The following AMPD3 variants were observed in gnomAD, a reference collection of about 807,000 sequenced individuals.
The protein encoded by AMPD3 is adenosine monophosphate deaminase 3, also known as AMP deaminase 3.
A neutral mutation model predicts 82.3 loss-of-function variants in AMPD3; 57 were observed. That is an observed-to-expected ratio of 0.69 (90% CI 0.56 to 0.86). AMPD3 has a LOEUF of 0.86. Ranked by LOEUF, AMPD3 falls within the 40% of genes least tolerant of loss-of-function variation. AMPD3 has a pLI of 0.00. For missense variants in AMPD3, 870 were observed against 1,003.8 expected, an observed-to-expected ratio of 0.87 and a Z score of 1.80; for synonymous variants, 381 against 394.7, an observed-to-expected ratio of 0.97 and a Z score of 0.41.
At chr11:10,502,566 T>C (rs1849608643) in intron 12 of AMPD3, 155 bp from the exon 13 acceptor site, 1 of 984,858 alleles carries the variant, frequency 1.0e-6, no homozygotes, top group Non-Finnish European at 1.2e-6. Flanking sequence ...GGTCTGAGTG[T>C]CCTGGCTTCG....
chr11:10,482,394 A>G (rs1161728246), intron 4 of AMPD3, among the ~76,000 whole-genome samples, 169 bp downstream of exon 4: 2 of 152,190 alleles, frequency 1.3e-5, no homozygotes, highest in Admixed American at 6.5e-5. Context: ...GATTGATTCT[A>G]TGTGTACTGT....
intron 12 of AMPD3, chr11:10,502,187 CGGTGA>C: frequency 1.0e-6 from 1 of 985,436 alleles, no homozygotes; most frequent in Non-Finnish European, 1.2e-6. Context: ...TCCCTGATCC[CGGTGA>C]GGTGTAACCA....
chr11:10,491,381 G>C (rs1173702061), intron 6 of AMPD3, among the ~76,000 whole-genome samples: 2 of 152,200 alleles, frequency 1.3e-5, no homozygotes, highest in Admixed American at 6.5e-5. Context: ...ATGAGGGGTT[G>C]GGGAGATGGG....
intron 2 of AMPD3, chr11:10,473,699 C>G (rs1018096390): frequency 1.4e-6 from 1 of 740,108 alleles, no homozygotes; most frequent in Non-Finnish European, 1.7e-6. Flanking sequence ...GCATATTTCT[C>G]CAGATAGGCT....
chr11:10,450,523 C>A (rs1360033606), upstream of AMPD3: 1 of 986,072 alleles, frequency 1.0e-6, no homozygotes, highest in South Asian at 4.7e-5. Flanking sequence ...CGGGCAAGCC[C>A]GGGCGGCACG....
chr11:10,504,613 G>T lies in AMPD3; in HGVS notation c.2081G>T (p.Cys694Phe). ...QVWKLSTCDL[C>F]EIARNSVLQS... The stretch of plus-strand genomic sequence containing the variant: ...TGGAAGCTGAGCACCTGCGACCTGT[G>T]TGAGATCGCCAGGAACAGCGTGCTG... Residue 694 changes from cysteine (C) to phenylalanine (F), a missense_variant, in exon 14 of 15, where the codon TGT becomes TTT. Coordinates refer to ENST00000396553, the MANE Select transcript of AMPD3 (RefSeq NM_001025389.2). 1 of 1,614,196 alleles carries T rather than the reference G, an allele frequency of 6.2e-7. No homozygotes were observed. Among genetic ancestry groups the T allele is most frequent in the Non-Finnish European group, 8.5e-7 (1 of 1,180,022 alleles).
intron 2 of AMPD3, among the ~76,000 whole-genome samples, chr11:10,463,703 G>A (rs550156727): frequency 3.4e-4 from 52 of 152,322 alleles, no homozygotes; most frequent in Admixed American, 2.0e-3. Context: ...CCCAGACTCA[G>A]GGCAAAATGG....
intron 2 of AMPD3, among the ~76,000 whole-genome samples, chr11:10,462,886 A>G (rs1848313170): frequency 6.6e-6 from 1 of 152,190 alleles, no homozygotes; most frequent in African/African-American, 2.4e-5. Context: ...AAGGCCCCCC[A>G]GTTTCTTCCA....
chr11:10,466,053 G>A (rs1265044512), intron 2 of AMPD3, among the ~76,000 whole-genome samples: 1 of 152,098 alleles, frequency 6.6e-6, no homozygotes, highest in African/African-American at 2.4e-5. Context: ...CCTGACGTCA[G>A]GAGTTCAAGA....
At chr11:10,484,711 C>A in intron 4 of AMPD3, 109 bp from the exon 5 acceptor site, 1 of 1,381,142 alleles carries the variant, frequency 7.2e-7, no homozygotes, top group Non-Finnish European at 1.0e-6. Flanking sequence ...GGGGCCGGCG[C>A]AGGGTTGGAT....
At chr11:10,451,503 T>G (rs566272289), upstream of AMPD3, among the ~76,000 whole-genome samples, 3 of 152,072 alleles carry the variant, frequency 2.0e-5, no homozygotes, top group South Asian at 6.2e-4. Context: ...GCAAGGGAGG[T>G]GTACAGCCTT....
At chr11:10,477,519 A>G (rs963706372) in intron 2 of AMPD3, among the ~76,000 whole-genome samples, 1 of 152,158 alleles carries the variant, frequency 6.6e-6, no homozygotes, top group African/African-American at 2.4e-5. Context: ...ATGAATGAGG[A>G]AGGTAGAGTC....
intron 10 of AMPD3, chr11:10,499,633 G>C (rs1028208618): frequency 5.5e-5 from 54 of 984,360 alleles, no homozygotes; most frequent in Middle Eastern, 5.2e-4. Flanking sequence ...ATTAACTGAC[G>C]TGAGTAAAGT....
chr11:10,451,063 C>T (rs1591430030), upstream of AMPD3: 1 of 1,570,330 alleles, frequency 6.4e-7, no homozygotes, highest in East Asian at 2.3e-5. Context: ...CGCGAGGCTG[C>T]GCTGCTGACC....
intron 13 of AMPD3, chr11:10,504,050 C>T: frequency 3.1e-6 from 3 of 977,082 alleles, no homozygotes; most frequent in Non-Finnish European, 3.6e-6. Flanking sequence ...ACCATTTTAC[C>T]ACTTATCCTA....
At chr11:10,465,575 C>A (rs1848395155) in intron 2 of AMPD3, among the ~76,000 whole-genome samples, 1 of 152,192 alleles carries the variant, frequency 6.6e-6, no homozygotes, top group Non-Finnish European at 1.5e-5. Context: ...TGAGCCAAAG[C>A]AAGGTGAGGC....
intron 6 of AMPD3, among the ~76,000 whole-genome samples, chr11:10,487,641 A>G (rs760789104): frequency 9.9e-5 from 15 of 152,230 alleles, no homozygotes; most frequent in Non-Finnish European, 1.5e-5. Context: ...TTCCTTGGAA[A>G]ATAGGGCACA....
chr11:10,498,656 G>A (rs1030502205), intron 10 of AMPD3, among the ~76,000 whole-genome samples: 2 of 152,206 alleles, frequency 1.3e-5, no homozygotes, highest in African/African-American at 4.8e-5. Flanking sequence ...GAAGATTCTG[G>A]CCAAGCTGCC....
At chr11:10,487,770 T>A (rs910187419) in intron 6 of AMPD3, among the ~76,000 whole-genome samples, 2 of 152,198 alleles carry the variant, frequency 1.3e-5, no homozygotes, top group African/African-American at 2.4e-5. Flanking sequence ...TGTGTCCATG[T>A]GTTCTCATTG....
Sources: gnomAD v4.1 joint callset for allele counts (sites outside exome capture counted in the v4.1 genomes callset) on GRCh38, gnomAD v4.1.1 for gene constraint, MANE v1.5 for transcripts, NCBI Gene and HGNC (gene_info 2026-07-23, HGNC 2026-07-21) for gene names.